The following HIPK2 variants were observed in gnomAD, a reference collection of about 807,000 sequenced individuals.
The protein encoded by HIPK2 is homeodomain-interacting protein kinase 2.
HIPK2 carries 27 observed loss-of-function variants against 113.7 expected under a neutral mutation model. The observed-to-expected ratio is 0.24, with a 90% CI of 0.17 to 0.33. The LOEUF is 0.33. Ranked by LOEUF, HIPK2 falls within the 10% of genes least tolerant of loss-of-function variation. The pLI, the probability that HIPK2 is intolerant of heterozygous loss-of-function variation, is 1.00. For missense variants in HIPK2, 1,257 were observed against 1,588.0 expected, an observed-to-expected ratio of 0.79 and a Z score of 3.54; for synonymous variants, 631 against 642.2, an observed-to-expected ratio of 0.98 and a Z score of 0.26.
At chr7:139,682,383 T>C (rs1257268352) in intron 2 of HIPK2, among the ~76,000 whole-genome samples, 3 of 152,194 alleles carry the variant, frequency 2.0e-5, no homozygotes, top group African/African-American at 7.2e-5. Context: ...TAGCCAGACC[T>C]GTAACTATAC....
chr7:139,583,853 T>A lies in HIPK2; in HGVS notation c.2929A>T (p.Ser977Cys). Residue 977 changes from serine to cysteine, a missense_variant, in exon 13 of 15, where the codon AGC becomes TGC. Physicochemically the swap from Ser to Cys is moderately radical, Grantham distance 112. This residue lies in a region of HIPK2 where 862 missense variants were observed against 1,004.3 expected (regional missense o/e 0.86). Transcript: ENST00000406875. ...IIVPPLKTQA[S>C]EVLVECDSLV... is the part of the protein sequence containing the mutation. ...CTATCACACTCCACCAATACTTCGC[T>A]GGCCTGGGTTTTCAGGGGTGGCACG... The A allele has an allele frequency of 6.2e-7, 1 of 1,612,986 alleles. No individual in the cohort carries two copies. The highest frequency in any genetic ancestry group is 8.5e-7 in the Non-Finnish European group (1 of 1,179,482).
chr7:139,676,860 CTTTTTCT>C (rs1569471920), intron 2 of HIPK2, among the ~76,000 whole-genome samples: 6 of 148,776 alleles, frequency 4.0e-5, no homozygotes, highest in Non-Finnish European at 7.4e-5. Context: ...TTCTTTTTTT[CTTTTTCT>C]TTTTTTTTTT....
chr7:139,677,391 A>G (rs377341369), intron 2 of HIPK2, among the ~76,000 whole-genome samples: 13 of 152,192 alleles, frequency 8.5e-5, no homozygotes, highest in African/African-American at 3.1e-4. Flanking sequence ...GCTACTATAA[A>G]ACAACACCCA....
chr7:139,577,885 C>G (rs1201907465), intron 13 of HIPK2, among the ~76,000 whole-genome samples: 1 of 152,032 alleles, frequency 6.6e-6, no homozygotes, highest in Non-Finnish European at 1.5e-5. Context: ...GAGTCTTGCT[C>G]TGTCTCCCAG....
chr7:139,669,288 G>T (rs902007165), intron 2 of HIPK2, among the ~76,000 whole-genome samples: 3 of 152,178 alleles, frequency 2.0e-5, no homozygotes, highest in African/African-American at 7.2e-5. Flanking sequence ...ATAAACAGAA[G>T]CCGTGCTCTC....
intron 1 of HIPK2, among the ~76,000 whole-genome samples, chr7:139,732,829 G>A (rs1795835331): frequency 6.7e-6 from 1 of 148,546 alleles, no homozygotes; most frequent in Admixed American, 6.8e-5. Context: ...ATGTGTGTGT[G>A]TGTGTGTGTG....
At chr7:139,583,771 C>T in intron 13 of HIPK2, 46 bp downstream of exon 13, 2 of 1,583,414 alleles carry the variant, frequency 1.3e-6, no homozygotes, top group Non-Finnish European at 1.7e-6. Flanking sequence ...AGCAGGAAAA[C>T]CACTCTCCAG....
intron 1 of HIPK2, among the ~76,000 whole-genome samples, chr7:139,752,869 T>C (rs944572598): frequency 6.6e-6 from 1 of 152,110 alleles, no homozygotes; most frequent in African/African-American, 2.4e-5. Flanking sequence ...ATTAGTCAAA[T>C]GCTGCTGCTA....
intron 2 of HIPK2, among the ~76,000 whole-genome samples, chr7:139,676,276 T>A (rs1423445463): frequency 6.6e-6 from 1 of 152,198 alleles, no homozygotes; most frequent in Non-Finnish European, 1.5e-5. Flanking sequence ...TGGACCCTAG[T>A]TTGCTAACCC....
chr7:139,633,095 C>CAAAAAAAAAAAAAAAAAAAAAAAAA (rs942820284), intron 2 of HIPK2, among the ~76,000 whole-genome samples: 2 of 74,610 alleles, frequency 2.7e-5, no homozygotes, highest in African/African-American at 9.0e-5. Context: ...GACCCTGTCT[C>CAAAAAAAAAAAAAAAAAAAAAAAAA]AAAAAAAAAA....
intron 2 of HIPK2, among the ~76,000 whole-genome samples, chr7:139,680,990 A>G (rs1183210849): frequency 6.6e-6 from 1 of 152,180 alleles, no homozygotes; most frequent in Non-Finnish European, 1.5e-5. Flanking sequence ...GTCACGCTAT[A>G]TTCATCTTTC....
At chr7:139,588,782 C>T (rs1436627343) in intron 12 of HIPK2, among the ~76,000 whole-genome samples, 1 of 152,106 alleles carries the variant, frequency 6.6e-6, no homozygotes, top group African/African-American at 2.4e-5. Flanking sequence ...TAAAGGGAAA[C>T]AACTGGTCTG....
chr7:139,632,243 T>C (rs1800643238), intron 2 of HIPK2, among the ~76,000 whole-genome samples: 2 of 152,208 alleles, frequency 1.3e-5, no homozygotes, highest in Admixed American at 1.3e-4. Context: ...CTTGAACTTC[T>C]GAACTCAAAC....
At chr7:139,728,887 TATC>T (rs1280708273) in intron 1 of HIPK2, among the ~76,000 whole-genome samples, 5 of 152,218 alleles carry the variant, frequency 3.3e-5, no homozygotes, top group Non-Finnish European at 7.3e-5. Context: ...ATTAGTCTAA[TATC>T]ATAGCTGGAA....
chr7:139,619,189 G>C (rs929219318), intron 7 of HIPK2, among the ~76,000 whole-genome samples: 1 of 152,172 alleles, frequency 6.6e-6, no homozygotes, highest in African/African-American at 2.4e-5. Flanking sequence ...GGTGGGAAGG[G>C]GAGCGGCTGA....
chr7:139,745,794 C>T (rs1471003705), intron 1 of HIPK2, among the ~76,000 whole-genome samples: 1 of 152,196 alleles, frequency 6.6e-6, no homozygotes, highest in Non-Finnish European at 1.5e-5. Flanking sequence ...GAATCACCTC[C>T]TCCTCTGCAT....
chr7:139,670,493 A>G (rs1802227008), intron 2 of HIPK2, among the ~76,000 whole-genome samples: 1 of 151,384 alleles, frequency 6.6e-6, no homozygotes, highest in Non-Finnish European at 1.5e-5. Flanking sequence ...CTCCAGGAGG[A>G]TTGCTTGAGC....
chr7:139,726,857 G>A (rs1268198332), intron 1 of HIPK2, among the ~76,000 whole-genome samples: 1 of 152,190 alleles, frequency 6.6e-6, no homozygotes, highest in Non-Finnish European at 1.5e-5. Context: ...AATAGCAAAT[G>A]GGAAAAAGAT....
At chr7:139,652,355 C>T (rs2116477875) in intron 2 of HIPK2, among the ~76,000 whole-genome samples, 1 of 152,286 alleles carries the variant, frequency 6.6e-6, no homozygotes, top group East Asian at 1.9e-4. Context: ...CCCCCTTCCC[C>T]TGAGCTCGGG....
Sources: allele counts gnomAD v4.1 joint callset (sites outside exome capture counted in the v4.1 genomes callset), GRCh38; gene constraint gnomAD v4.1.1; regional missense constraint gnomAD v4.1.1; transcripts MANE v1.5; gene names NCBI Gene and HGNC (gene_info 2026-07-23, HGNC 2026-07-21).